Variants in NRIP1 observed in about 807,000 individuals in gnomAD.
NRIP1 encodes the protein nuclear receptor-interacting protein 1.
A neutral mutation model predicts 75.0 loss-of-function variants in NRIP1; 28 were observed. The ratio of observed to expected loss-of-function variants is 0.37; its 90% CI spans 0.28 to 0.51. NRIP1 has a LOEUF of 0.51. Ranked by LOEUF, NRIP1 falls within the 20% of genes least tolerant of loss-of-function variation. NRIP1 has a pLI of 0.92. For missense variants in NRIP1, 1,435 were observed against 1,343.7 expected (o/e 1.07, Z -1.06); for synonymous variants, 526 against 487.6 (o/e 1.08, Z -1.04).
rs753042681 is a variant in NRIP1, at chr21:14,966,448, T to C, written c.1745A>G (p.Tyr582Cys). ...SLVIKWNSPP[Y>C]VCSTQSEKLT... ...CTTTTCAGACTGAGTACTGCAGACA[T>C]ATGGTGGGGAATTCCATTTGATGAC... is the stretch of plus-strand genomic sequence containing the variant. Residue 582 changes from tyrosine (Y) to cysteine (C), a missense_variant, in exon 4 of 4, where the codon TAT (tyrosine) becomes TGT (cysteine). Physicochemically the swap from Tyr to Cys is radical, Grantham distance 194. Coordinates refer to ENST00000318948, the MANE Select transcript of NRIP1 (RefSeq NM_003489.4). 5.0e-6 allele frequency: 8 copies of C among 1,614,120 alleles called. No individual in the cohort carries two copies. The South Asian group carries it at 8.8e-5, about 18-fold the overall frequency.
In NRIP1 at chr21:14,962,181, C is replaced by T. The variant is rs1237185948; in HGVS notation, c.*2535G>A. On this transcript the variant is annotated 3_prime_UTR_variant, in exon 4 of 4. Coordinates refer to ENST00000318948, the MANE Select transcript of NRIP1 (RefSeq NM_003489.4). ...TTATTAGAAGAAATTGTCTAGATAT[C>T]TAAAATAGTCCTTGAAAATGTGTAT... The T allele has an allele frequency of 6.6e-6, 1 of 151,512 alleles. No homozygotes were observed. Among genetic ancestry groups the T allele is most frequent in the Non-Finnish European group, 1.5e-5 (1 of 67,778 alleles). 9.4% of individuals were successfully genotyped at this position (151,512 alleles called of 1,614,324 possible).
chr21:15,035,280 T>C (rs767075472), intron 2 of NRIP1, among the ~76,000 whole-genome samples: 1 of 152,182 alleles, frequency 6.6e-6, no homozygotes, highest in Non-Finnish European at 1.5e-5. Context: ...CAGGAATCCT[T>C]ATATCTCAAA....
chr21:14,990,105 C>T (rs189038728), intron 3 of NRIP1, among the ~76,000 whole-genome samples: 3 of 152,174 alleles, frequency 2.0e-5, no homozygotes, highest in East Asian at 1.9e-4. Flanking sequence ...GATGTGCATC[C>T]GTCAAGTGGG....
intron 3 of NRIP1, among the ~76,000 whole-genome samples, chr21:14,993,601 C>T (rs191769182): frequency 4.7e-4 from 71 of 151,654 alleles, no homozygotes; most frequent in South Asian, 6.3e-4. Flanking sequence ...GGCAACACAG[C>T]GAGACCCCAT....
chr21:15,031,189 GTT>G (rs2088676479), intron 2 of NRIP1, among the ~76,000 whole-genome samples: 1 of 122,776 alleles, frequency 8.1e-6, no homozygotes, highest in South Asian at 3.1e-4. Flanking sequence ...TCTGGAAGGC[GTT>G]CAGAGGTTCA....
chr21:14,991,227 C>A (rs1235029614), intron 3 of NRIP1: 1 of 150,828 alleles, frequency 6.6e-6, no homozygotes, highest in Non-Finnish European at 1.5e-5. Context: ...ATGTAACATG[C>A]CTCTTCTTAT....
At chr21:14,978,540 A>AT (rs1568952420) in intron 3 of NRIP1, among the ~76,000 whole-genome samples, 1 of 152,200 alleles carries the variant, frequency 6.6e-6, no homozygotes, top group African/African-American at 2.4e-5. Flanking sequence ...TGCTTATCTC[A>AT]TAACAGCTAT....
intron 2 of NRIP1, among the ~76,000 whole-genome samples, chr21:15,021,228 T>G (rs1160552727): frequency 6.6e-6 from 1 of 152,230 alleles, no homozygotes; most frequent in East Asian, 1.9e-4. Context: ...AACTAATGAT[T>G]CACGTCACCA....
chr21:14,981,985 T>C (rs1057274957), intron 3 of NRIP1, among the ~76,000 whole-genome samples: 5 of 151,900 alleles, frequency 3.3e-5, no homozygotes, highest in Admixed American at 2.0e-4. Context: ...CCTGAGCAGC[T>C]GGGACCACAG....
At chr21:15,064,388 G>C (rs937870572) in intron 1 of NRIP1, among the ~76,000 whole-genome samples, 1 of 152,186 alleles carries the variant, frequency 6.6e-6, no homozygotes, top group Admixed American at 6.5e-5. Context: ...CGGTGCCCGG[G>C]GTTCGGGACC....
At chr21:15,024,403 G>C (rs2088460431) in intron 2 of NRIP1, among the ~76,000 whole-genome samples, 1 of 152,226 alleles carries the variant, frequency 6.6e-6, no homozygotes, top group South Asian at 2.1e-4. Flanking sequence ...TTAGCTGGGT[G>C]TGGTGGCAGT....
intron 3 of NRIP1, among the ~76,000 whole-genome samples, chr21:14,989,412 T>C (rs760032165): frequency 2.6e-5 from 4 of 152,226 alleles, no homozygotes; most frequent in Non-Finnish European, 4.4e-5. Flanking sequence ...CCTCCCTTGA[T>C]GAAACTAAAG....
chr21:15,000,393 T>C (rs1352729293), intron 3 of NRIP1, among the ~76,000 whole-genome samples: 1 of 152,298 alleles, frequency 6.6e-6, no homozygotes, highest in East Asian at 1.9e-4. Context: ...GGTACAGTGT[T>C]AAGCACTGTG....
chr21:14,998,036 C>T (rs540459825), intron 3 of NRIP1, among the ~76,000 whole-genome samples: 1 of 152,174 alleles, frequency 6.6e-6, no homozygotes, highest in African/African-American at 2.4e-5. Flanking sequence ...GAGACAGCCA[C>T]GTCTCCAAAC....
chr21:15,017,971 T>C (rs914591600), intron 2 of NRIP1, among the ~76,000 whole-genome samples: 8 of 152,100 alleles, frequency 5.3e-5, no homozygotes, highest in African/African-American at 1.4e-4. Context: ...CAACAAAAGA[T>C]AACACAAAAT....
intron 3 of NRIP1, among the ~76,000 whole-genome samples, chr21:14,990,036 T>A (rs947393579): frequency 5.3e-5 from 8 of 152,158 alleles, no homozygotes; most frequent in Non-Finnish European, 1.2e-4. Flanking sequence ...TTTGTAAATA[T>A]GACAATAAAT....
chr21:14,989,990 C>A (rs2822996), intron 3 of NRIP1, among the ~76,000 whole-genome samples: 24,057 of 151,996 alleles, frequency 0.16, 2,175 homozygotes, highest in Admixed American at 0.22. Flanking sequence ...TAGCTTATTT[C>A]CTTGCCCATT....
chr21:15,032,510 C>A (rs1017011114), intron 2 of NRIP1, among the ~76,000 whole-genome samples: 1 of 151,312 alleles, frequency 6.6e-6, no homozygotes, highest in African/African-American at 2.4e-5. Context: ...AAAAAAAAAC[C>A]GTTCGAAGTC....
At position 15,064,924 on chromosome 21, in the gene NRIP1, G is replaced by A. The variant is rs1978743664; in HGVS notation, c.-717C>T. Reference sequence around the variant, plus strand: ...CGCGCGCGGGTGGCGGGCGGGCGTGGGGCCGGGTCGTCCCTGCGCCTCGCC... The same window carrying A: ...CGCGCGCGGGTGGCGGGCGGGCGTGAGGCCGGGTCGTCCCTGCGCCTCGCC... On this transcript the variant is annotated 5_prime_UTR_variant, in exon 1 of 4. Transcript: ENST00000318948. 1.3e-5 allele frequency: 2 copies of A among 148,780 alleles called. No individual in the cohort carries two copies. The highest frequency in any genetic ancestry group is 1.3e-4 in the Admixed American group (2 of 14,978). The allele number at this position is 148,780 out of a possible 1,614,324, so 9.2% of individuals were successfully genotyped here.
Sources: allele counts gnomAD v4.1 joint callset (sites outside exome capture counted in the v4.1 genomes callset), GRCh38; gene constraint gnomAD v4.1.1; transcripts MANE v1.5; gene names NCBI Gene and HGNC (gene_info 2026-07-23, HGNC 2026-07-21).